Variants in MAPK4 observed in about 807,000 individuals in gnomAD.
MAPK4 encodes the protein Erk3-related.
Under a neutral mutation model 47.7 loss-of-function variants are expected in MAPK4, and 22 were observed. The observed-to-expected ratio is 0.46, with a 90% CI of 0.33 to 0.66. MAPK4 has a LOEUF of 0.66. MAPK4 is among the 30% of genes least tolerant of loss of function. MAPK4 has a pLI of 0.02. For synonymous variants in MAPK4, 390 were observed against 365.7 expected (o/e 1.07, Z -0.76); for missense variants, 736 against 831.7 (o/e 0.88, Z 1.42).
chr18:50,617,948 C>T (rs1449288317), intron 1 of MAPK4, among the ~76,000 whole-genome samples: 1 of 152,202 alleles, frequency 6.6e-6, no homozygotes, highest in Non-Finnish European at 1.5e-5. Context: ...TGAACATGTC[C>T]CATGACAGGG....
chr18:50,721,989 T>G lies in MAPK4; in HGVS notation c.743T>G (p.Ile248Ser), dbSNP rs1183929480. 1 of 1,614,062 alleles carries G rather than the reference T, an allele frequency of 6.2e-7. No individual in the cohort carries two copies. Among genetic ancestry groups the G allele is most frequent in the Non-Finnish European group, 8.5e-7 (1 of 1,180,000 alleles). The change falls in exon 4 of 6, where the codon ATC (isoleucine) becomes AGC (serine). Residue 248 changes from isoleucine to serine, a missense_variant. Ile to Ser is a moderately radical substitution (Grantham distance 142). Coordinates refer to ENST00000400384, the MANE Select transcript of MAPK4 (RefSeq NM_002747.4). ...MQLILETIPV[I>S]REEDKDELLR... Reference sequence around the variant, plus strand: ...CTCATCCTGGAGACCATCCCTGTAATCCGGGAGGAAGACAAGGACGAGCTG... The same window carrying G: ...CTCATCCTGGAGACCATCCCTGTAAGCCGGGAGGAAGACAAGGACGAGCTG...
At chr18:50,611,940 C>A (rs1402843581) in intron 1 of MAPK4, among the ~76,000 whole-genome samples, 1 of 152,080 alleles carries the variant, frequency 6.6e-6, no homozygotes, top group Non-Finnish European at 1.5e-5. Context: ...CTTTAAAGAT[C>A]GAAGTATGAG....
chr18:50,688,371 C>T (rs929142499), intron 2 of MAPK4, among the ~76,000 whole-genome samples: 1 of 152,104 alleles, frequency 6.6e-6, no homozygotes, highest in Admixed American at 6.5e-5. Context: ...CCCCAGGGCC[C>T]CAAACAGCAG....
chr18:50,563,148 A>G (rs2042168629), intron 1 of MAPK4, among the ~76,000 whole-genome samples: 1 of 152,220 alleles, frequency 6.6e-6, no homozygotes, highest in African/African-American at 2.4e-5. Context: ...CCGTTATGAA[A>G]GATACATAGA....
At chr18:50,627,928 A>G (rs1299402379) in intron 1 of MAPK4, among the ~76,000 whole-genome samples, 1 of 152,148 alleles carries the variant, frequency 6.6e-6, no homozygotes, top group Non-Finnish European at 1.5e-5. Context: ...GGCTCAGGCA[A>G]GCATTAGACA....
At position 50,695,665 on chromosome 18, in the gene MAPK4, C is replaced by T. The variant is rs149335353; in HGVS notation, c.547-19414C>T. On this transcript the variant is annotated intron_variant, in intron 2 of 5. Coordinates refer to ENST00000400384, the MANE Select transcript of MAPK4 (RefSeq NM_002747.4). ...GTGCAGTAGAGAGAGCTAGAGAGAG[C>T]GCCTGGGGAGCCGAGAGTGAGAAGG... Among the ~76,000 whole-genome samples, 18 of 152,238 alleles carry T rather than the reference C, an allele frequency of 1.2e-4. No individual in the cohort carries two copies. The East Asian group carries it at 2.9e-3, about 25-fold the overall frequency.
rs868369638 is a variant in MAPK4 at position 50,729,209 on chromosome 18, G to A, written c.1119G>A (p.Gln373=). ...SDLEWRPDRC[Q]DASEVQRDPR... is the part of the protein sequence containing the mutation. ...TGGAGTGGCGGCCTGACCGGTGCCA[G>A]GACGCCAGCGAGGTACAGCGCGACC... Residue 373 remains glutamine (Q), a synonymous_variant, in exon 6 of 6, where the codon CAG becomes CAA. Transcript: ENST00000400384. The A allele has an allele frequency of 6.3e-7, 1 of 1,599,032 alleles. No individual in the cohort carries two copies. The highest frequency in any genetic ancestry group is 8.6e-7 in the Non-Finnish European group (1 of 1,168,644).
At chr18:50,561,775 G>A (rs2042155632) in intron 1 of MAPK4, among the ~76,000 whole-genome samples, 1 of 152,212 alleles carries the variant, frequency 6.6e-6, no homozygotes, top group Admixed American at 6.5e-5. Context: ...GGGTTTGTCA[G>A]ACAGGAGCAG....
intron 2 of MAPK4, among the ~76,000 whole-genome samples, chr18:50,711,841 G>A (rs199651809): frequency 6.1e-5 from 4 of 65,522 alleles, no homozygotes; most frequent in African/African-American, 2.6e-4. Flanking sequence ...TTTTTTTTTT[G>A]TAGAAAATTA....
intron 2 of MAPK4, among the ~76,000 whole-genome samples, chr18:50,682,120 T>G (rs9947271): frequency 0.058 from 8,788 of 152,152 alleles, 563 homozygotes; most frequent in African/African-American, 0.16. Context: ...TTTTGTTAGG[T>G]TGTTGAAAAT....
At chr18:50,577,019 C>T (rs765321157) in intron 1 of MAPK4, among the ~76,000 whole-genome samples, 22 of 152,270 alleles carry the variant, frequency 1.4e-4, no homozygotes, top group Non-Finnish European at 3.1e-4. Flanking sequence ...TTGGAGCCTG[C>T]GCCATGCTTT....
intron 1 of MAPK4, among the ~76,000 whole-genome samples, chr18:50,610,178 T>C (rs1441604173): frequency 6.6e-6 from 1 of 152,168 alleles, no homozygotes; most frequent in Admixed American, 6.5e-5. Context: ...AGGCCTACCC[T>C]GAGGTAACAT....
chr18:50,641,058 T>TG (rs2042937090), intron 1 of MAPK4, among the ~76,000 whole-genome samples: 1 of 152,058 alleles, frequency 6.6e-6, no homozygotes, highest in African/African-American at 2.4e-5. Flanking sequence ...AGCTGTCACC[T>TG]GGAAAAAAAA....
chr18:50,702,831 TACC>T (rs1359607568), intron 2 of MAPK4, among the ~76,000 whole-genome samples: 8 of 152,062 alleles, frequency 5.3e-5, no homozygotes, highest in Non-Finnish European at 1.2e-4. Context: ...TGATTCAGAG[TACC>T]ACAAACAGGG....
chr18:50,651,913 T>C (rs374391006), intron 1 of MAPK4, among the ~76,000 whole-genome samples: 4 of 152,056 alleles, frequency 2.6e-5, no homozygotes, highest in African/African-American at 9.7e-5. Flanking sequence ...CTATTGGAGG[T>C]GTGTTGAGAC....
Position 50,729,511 on chromosome 18 carries a change from C to T in MAPK4, c.1421C>T (p.Thr474Met). ...GCGGCCGGCGCGCCCCCCACGGCCA[C>T]GGGGCTGGCGGACACGGGGGCGCGC... ...KQAAGAPPTA[T>M]GLADTGARED... The change falls in exon 6 of 6, where the codon ACG becomes ATG. Residue 474 changes from threonine to methionine, a missense_variant. This residue lies in a region of MAPK4 where 377 missense variants were observed against 378.6 expected (regional missense o/e 1.00). Transcript: ENST00000400384. The T allele has an allele frequency of 2.8e-6, 4 of 1,442,566 alleles. No homozygotes were observed. Among genetic ancestry groups the T allele is most frequent in the Non-Finnish European group, 3.6e-6 (4 of 1,097,036 alleles). 89.4% of individuals were successfully genotyped at this position (1,442,566 alleles called of 1,614,324 possible). A position where few individuals can be genotyped will look rare whatever the true frequency, so the allele number is the denominator to read the frequency against.
intron 2 of MAPK4, among the ~76,000 whole-genome samples, chr18:50,676,144 A>G (rs1326119668): frequency 6.6e-6 from 1 of 152,206 alleles, no homozygotes; most frequent in Non-Finnish European, 1.5e-5. Flanking sequence ...TAGCCCAAGT[A>G]CAGGACTTTC....
intron 2 of MAPK4, among the ~76,000 whole-genome samples, chr18:50,677,207 T>C (rs941002372): frequency 1.3e-5 from 2 of 152,166 alleles, no homozygotes; most frequent in African/African-American, 4.8e-5. Flanking sequence ...GTGGAAAAAT[T>C]GTTTTCCACG....
intron 4 of MAPK4, among the ~76,000 whole-genome samples, chr18:50,723,861 T>G (rs1378642039): frequency 1.1e-5 from 1 of 87,904 alleles, no homozygotes; most frequent in Non-Finnish European, 2.4e-5. Flanking sequence ...TGAGACCCTG[T>G]CTCAAAAAAA....
Sources: gnomAD v4.1 joint callset for allele counts (sites outside exome capture counted in the v4.1 genomes callset) on GRCh38, gnomAD v4.1.1 for gene constraint, gnomAD v4.1.1 regional missense constraint, MANE v1.5 for transcripts, NCBI Gene and HGNC (gene_info 2026-07-23, HGNC 2026-07-21) for gene names.